Variants in GALNT10 observed in about 807,000 individuals in gnomAD.
The protein encoded by GALNT10 is GalNAc transferase 10.
A neutral mutation model predicts 75.0 loss-of-function variants in GALNT10; 41 were observed. The ratio of observed to expected loss-of-function variants is 0.55; its 90% CI spans 0.43 to 0.71. The LOEUF is 0.71. Ranked by LOEUF, GALNT10 falls within the 30% of genes least tolerant of loss-of-function variation. The pLI is 0.00. For missense variants in GALNT10, 727 were observed against 818.5 expected, an observed-to-expected ratio of 0.89 and a Z score of 1.36; for synonymous variants, 302 against 313.0, an observed-to-expected ratio of 0.96 and a Z score of 0.37.
At chr5:154,286,496 C>G (rs1002287120) in intron 1 of GALNT10, among the ~76,000 whole-genome samples, 2 of 151,894 alleles carry the variant, frequency 1.3e-5, no homozygotes, top group South Asian at 4.2e-4. Context: ...TCTATTTGCC[C>G]TTTAGATAAC....
chr5:154,348,336 T>G (rs1478129432), intron 4 of GALNT10, among the ~76,000 whole-genome samples: 3 of 152,252 alleles, frequency 2.0e-5, no homozygotes, highest in African/African-American at 7.2e-5. Context: ...TTACCCCAAT[T>G]AGAGAAGGCC....
At chr5:154,239,303 T>C (rs1395755796) in intron 1 of GALNT10, among the ~76,000 whole-genome samples, 1 of 152,168 alleles carries the variant, frequency 6.6e-6, no homozygotes, top group Non-Finnish European at 1.5e-5. Context: ...CAGTTCAGGG[T>C]CATCACCCTG....
chr5:154,399,962 G>C (rs1673789240), intron 7 of GALNT10, among the ~76,000 whole-genome samples: 1 of 152,072 alleles, frequency 6.6e-6, no homozygotes, highest in African/African-American at 2.4e-5. Context: ...GGGCAACACA[G>C]GGAGACCCCC....
intron 7 of GALNT10, among the ~76,000 whole-genome samples, chr5:154,395,034 C>T (rs1157491373): frequency 1.3e-5 from 2 of 152,240 alleles, no homozygotes; most frequent in Non-Finnish European, 2.9e-5. Context: ...TCTCCCACCA[C>T]TCCTCCAAGG....
intron 4 of GALNT10, among the ~76,000 whole-genome samples, chr5:154,332,127 A>T (rs1754875437): frequency 6.6e-6 from 1 of 152,062 alleles, no homozygotes; most frequent in Admixed American, 6.5e-5. Context: ...ATGAGCTGCC[A>T]CCCACAGGCC....
intron 10 of GALNT10, 67 bp from the exon 11 acceptor site, chr5:154,415,714 TAA>T (rs11321246): frequency 1.4e-6 from 2 of 1,412,996 alleles, no homozygotes; most frequent in Non-Finnish European, 1.9e-6. Flanking sequence ...TTCCATAATT[TAA>T]AAAAAATGGA....
chr5:154,341,260 C>T (rs1755028540), intron 4 of GALNT10, among the ~76,000 whole-genome samples: 1 of 152,210 alleles, frequency 6.6e-6, no homozygotes, highest in Non-Finnish European at 1.5e-5. Flanking sequence ...GTTCATTCCT[C>T]CTAGTATAAT....
chr5:154,340,132 C>A (rs917566720), intron 4 of GALNT10, among the ~76,000 whole-genome samples: 2 of 152,230 alleles, frequency 1.3e-5, no homozygotes, highest in African/African-American at 4.8e-5. Context: ...TCCTTAATAA[C>A]TAACCTGCTC....
intron 3 of GALNT10, among the ~76,000 whole-genome samples, chr5:154,326,586 A>G (rs1363631890): frequency 6.6e-6 from 1 of 152,266 alleles, no homozygotes; most frequent in Non-Finnish European, 1.5e-5. Context: ...TGAAGCATTG[A>G]TGCATGCTAC....
chr5:154,310,864 A>T (rs1226385995), intron 3 of GALNT10, among the ~76,000 whole-genome samples: 1 of 152,238 alleles, frequency 6.6e-6, no homozygotes, highest in East Asian at 1.9e-4. Context: ...CCACGATAAC[A>T]GTTATTGATC....
At chr5:154,320,216 ACGTT>A in intron 3 of GALNT10, among the ~76,000 whole-genome samples, 2 of 152,322 alleles carry the variant, frequency 1.3e-5, no homozygotes, top group East Asian at 3.9e-4. Context: ...AGACAGGCAC[ACGTT>A]CAGGGCTGTG....
intron 4 of GALNT10, among the ~76,000 whole-genome samples, chr5:154,330,293 A>G (rs1754835139): frequency 6.6e-6 from 1 of 152,234 alleles, no homozygotes; most frequent in African/African-American, 2.4e-5. Flanking sequence ...GATCTCTGAC[A>G]TCTGGGCACC....
intron 7 of GALNT10, among the ~76,000 whole-genome samples, chr5:154,390,871 T>G (rs879832617): frequency 6.6e-6 from 1 of 152,206 alleles, no homozygotes; most frequent in Non-Finnish European, 1.5e-5. Flanking sequence ...TTATTTACAA[T>G]AGACTTGGTA....
At chr5:154,246,986 A>G (rs4475291) in intron 1 of GALNT10, among the ~76,000 whole-genome samples, 126,061 of 152,094 alleles carry the variant, frequency 0.83, 52,580 homozygotes, top group East Asian at 0.92. Context: ...TAATTTTTGT[A>G]TAAGGTGTAA....
chr5:154,363,640 A>G (rs1000996798), intron 4 of GALNT10, among the ~76,000 whole-genome samples: 1 of 152,218 alleles, frequency 6.6e-6, no homozygotes, highest in African/African-American at 2.4e-5. Flanking sequence ...CACACCTGAA[A>G]CACAACCATC....
chr5:154,362,915 C>T (rs1755414713), intron 4 of GALNT10, among the ~76,000 whole-genome samples: 1 of 152,154 alleles, frequency 6.6e-6, no homozygotes, highest in Non-Finnish European at 1.5e-5. Flanking sequence ...AGCATGGTGT[C>T]AGGGCGAGGG....
At chr5:154,248,199 T>C (rs1753461211) in intron 1 of GALNT10, among the ~76,000 whole-genome samples, 1 of 152,280 alleles carries the variant, frequency 6.6e-6, no homozygotes, top group Non-Finnish European at 1.5e-5. Context: ...GATGTGCTGC[T>C]GGATTCGGTT....
intron 7 of GALNT10, among the ~76,000 whole-genome samples, chr5:154,391,261 C>T (rs974344537): frequency 7.2e-5 from 11 of 152,230 alleles, no homozygotes; most frequent in African/African-American, 2.7e-4. Flanking sequence ...CTGCTAAGAT[C>T]CCTTTTCTTG....
At chr5:154,277,464 C>A (rs1181834702) in intron 1 of GALNT10, among the ~76,000 whole-genome samples, 1 of 151,578 alleles carries the variant, frequency 6.6e-6, no homozygotes, top group Non-Finnish European at 1.5e-5. Flanking sequence ...TGGAAAGAGA[C>A]CCACTTTTGA....
Sources: allele counts gnomAD v4.1 joint callset (sites outside exome capture counted in the v4.1 genomes callset), GRCh38; gene constraint gnomAD v4.1.1; transcripts MANE v1.5; gene names NCBI Gene and HGNC (gene_info 2026-07-23, HGNC 2026-07-21).